ARHGAP44: variants seen among roughly 807,000 people sequenced by gnomAD.
ARHGAP44 encodes Rho GTPase activating protein 44, also known as rho GTPase-activating protein 44.
ARHGAP44 carries 43 observed loss-of-function variants against 106.8 expected under a neutral mutation model. The ratio of observed to expected loss-of-function variants is 0.40; its 90% confidence interval spans 0.32 to 0.52. ARHGAP44 has a LOEUF of 0.52. ARHGAP44 is among the 20% of genes least tolerant of loss of function. ARHGAP44 has a pLI of 0.48. For synonymous variants in ARHGAP44, 439 were observed against 410.3 expected, an observed-to-expected ratio of 1.07 and a Z score of -0.85; for missense variants, 866 against 1,050.5, an observed-to-expected ratio of 0.82 and a Z score of 2.43.
chr17:12,960,089 T>C lies in ARHGAP44; in HGVS notation c.1523+1192T>C, dbSNP rs148833620. Among the ~76,000 whole-genome samples the C allele has an allele frequency of 4.4e-3, 676 of 152,322 alleles. 2 individuals carry two copies. The highest frequency in any genetic ancestry group is 0.013 in the African/African-American group (533 of 41,568). The stretch of plus-strand genomic sequence containing the variant: ...TGGGATGACGGTCAAGCTTTCACAA[T>C]GGCCAGTATCTCTTCTTTGTTACTT... On this transcript the variant is annotated intron_variant, in intron 16 of 20. Transcript: ENST00000379672.
chr17:12,835,844 C>T (rs2035222251), intron 1 of ARHGAP44, among the ~76,000 whole-genome samples: 1 of 152,120 alleles, frequency 6.6e-6, no homozygotes, highest in South Asian at 2.1e-4. Context: ...TACTTTCTGT[C>T]TCTGTGAATT....
At chr17:12,821,518 C>G (rs73290004) in intron 1 of ARHGAP44, among the ~76,000 whole-genome samples, 2,869 of 152,254 alleles carry the variant, frequency 0.019, 95 homozygotes, top group African/African-American at 0.066. Flanking sequence ...GAAAACCAGT[C>G]TTGTTACTGT....
At chr17:12,953,285 C>G (rs947509490) in intron 13 of ARHGAP44, among the ~76,000 whole-genome samples, 1 of 152,322 alleles carries the variant, frequency 6.6e-6, no homozygotes, top group Non-Finnish European at 1.5e-5. Context: ...GATCCTTCTC[C>G]ACGCCTGGCT....
rs1278978418 is a variant in ARHGAP44, at chr17:12,868,591, T to TTTTATATA, written c.54-26348_54-26347insTTATATAT. Among the ~76,000 whole-genome samples, 14 of 47,156 alleles carry TTTTATATA rather than the reference T, an allele frequency of 3.0e-4. 1 individual carries two copies. Among genetic ancestry groups the TTTTATATA allele is most frequent in the African/African-American group, 9.0e-4 (14 of 15,474 alleles). The allele number at this position is 47,156 out of a possible 152,430, so 30.9% of individuals were successfully genotyped here. On this transcript the variant is annotated intron_variant, in intron 1 of 20. Transcript: ENST00000379672. ...ATTTAAAAAGTCATATATATGCATT[T>TTTTATATA]TATATATATATATATATATATATAT...
chr17:12,967,213 T>C (rs2039413191), intron 16 of ARHGAP44, among the ~76,000 whole-genome samples: 1 of 147,628 alleles, frequency 6.8e-6, no homozygotes, highest in South Asian at 2.2e-4. Context: ...AACTTCGGGG[T>C]GTGAATCAGA....
At chr17:12,941,195 G>A (rs2150980984) in intron 8 of ARHGAP44, 71 bp downstream of exon 8, 2 of 1,417,766 alleles carry the variant, frequency 1.4e-6, no homozygotes, top group Middle Eastern at 1.8e-4. Context: ...ATGGAATTAA[G>A]AGTCCCTTAA....
chr17:12,911,842 C>T (rs1303641426), intron 4 of ARHGAP44, among the ~76,000 whole-genome samples: 1 of 152,088 alleles, frequency 6.6e-6, no homozygotes, highest in Admixed American at 6.6e-5. Flanking sequence ...ACTCATGCAG[C>T]CCCCCAGGAC....
At chr17:12,876,154 A>G (rs1051638565) in intron 1 of ARHGAP44, among the ~76,000 whole-genome samples, 2 of 152,084 alleles carry the variant, frequency 1.3e-5, no homozygotes, top group Non-Finnish European at 2.9e-5. Context: ...ACCTCTTTCC[A>G]TGTGTCCTAA....
chr17:12,984,369 A>G (rs1031872808), intron 19 of ARHGAP44, 162 bp from the exon 20 acceptor site: 4 of 575,040 alleles, frequency 7.0e-6, no homozygotes, highest in Admixed American at 4.2e-5. Context: ...GCTGCTGTCA[A>G]TGTGGCAAGA....
chr17:12,927,169 G>C (rs1485528584), intron 6 of ARHGAP44, among the ~76,000 whole-genome samples: 1 of 152,030 alleles, frequency 6.6e-6, no homozygotes, highest in Non-Finnish European at 1.5e-5. Context: ...CTTGGAATCA[G>C]GAATCTTTCA....
At chr17:12,838,430 T>C (rs1264154894) in intron 1 of ARHGAP44, among the ~76,000 whole-genome samples, 2 of 152,182 alleles carry the variant, frequency 1.3e-5, no homozygotes, top group Non-Finnish European at 2.9e-5. Context: ...TTCCAAATGG[T>C]CAACTTTCTT....
chr17:12,915,407 C>T (rs1233838737), intron 4 of ARHGAP44, among the ~76,000 whole-genome samples: 3 of 152,176 alleles, frequency 2.0e-5, no homozygotes, highest in Non-Finnish European at 2.9e-5. Flanking sequence ...TTCAGGTCTT[C>T]TGTCGTTTGC....
intron 1 of ARHGAP44, among the ~76,000 whole-genome samples, chr17:12,791,310 C>A (rs1221970774): frequency 6.6e-6 from 1 of 152,208 alleles, no homozygotes; most frequent in Non-Finnish European, 1.5e-5. Flanking sequence ...TATAGCCTCA[C>A]GTGGACTGCC....
chr17:12,931,439 A>G (rs2038396528), intron 7 of ARHGAP44, among the ~76,000 whole-genome samples: 1 of 151,774 alleles, frequency 6.6e-6, no homozygotes, highest in Non-Finnish European at 1.5e-5. Flanking sequence ...TTCTCAGTTA[A>G]CACCACATCC....
At chr17:12,872,929 C>T (rs936878611) in intron 1 of ARHGAP44, among the ~76,000 whole-genome samples, 1 of 152,200 alleles carries the variant, frequency 6.6e-6, no homozygotes, top group Non-Finnish European at 1.5e-5. Flanking sequence ...TTAGTCAATT[C>T]CGCGGTAACA....
intron 6 of ARHGAP44, among the ~76,000 whole-genome samples, chr17:12,924,257 C>G (rs1384312132): frequency 6.6e-6 from 1 of 152,232 alleles, no homozygotes; most frequent in Non-Finnish European, 1.5e-5. Flanking sequence ...ATGTTTGTCA[C>G]TATTGAAGTA....
At chr17:12,841,592 TCTCACACACACA>T (rs1567642183) in intron 1 of ARHGAP44, among the ~76,000 whole-genome samples, 1 of 118,820 alleles carries the variant, frequency 8.4e-6, no homozygotes, top group Non-Finnish European at 1.7e-5. Flanking sequence ...TCTGTCTCTC[TCTCACACACACA>T]CACACACACA....
At chr17:12,797,897 G>A (rs1265243556) in intron 1 of ARHGAP44, among the ~76,000 whole-genome samples, 2 of 151,964 alleles carry the variant, frequency 1.3e-5, no homozygotes, top group Non-Finnish European at 2.9e-5. Context: ...TGTCCATTTT[G>A]CTCCTGTACA....
intron 7 of ARHGAP44, among the ~76,000 whole-genome samples, chr17:12,930,438 A>G (rs989323940): frequency 2.0e-5 from 3 of 151,940 alleles, no homozygotes; most frequent in African/African-American, 4.8e-5. Flanking sequence ...GGGTTTTACC[A>G]TATTGGCCAG....
Sources: gnomAD v4.1 joint callset for allele counts (sites outside exome capture counted in the v4.1 genomes callset) on GRCh38, gnomAD v4.1.1 for gene constraint, MANE v1.5 for transcripts, NCBI Gene and HGNC (gene_info 2026-07-23, HGNC 2026-07-21) for gene names.